CCDC91: variants seen among roughly 807,000 people sequenced by gnomAD.
CCDC91 encodes coiled-coil domain-containing protein 91.
Under a neutral mutation model 63.2 loss-of-function variants are expected in CCDC91, and 48 were observed. The ratio of observed to expected loss-of-function variants is 0.76; its 90% confidence interval spans 0.60 to 0.97. The LOEUF (loss-of-function observed/expected upper bound fraction) is 0.97, where lower values mean the gene tolerates loss of function less well. CCDC91 is among the 50% of genes least tolerant of loss of function. The pLI, the probability that CCDC91 is intolerant of heterozygous loss-of-function variation, is 0.00. For synonymous variants in CCDC91, 167 were observed against 165.8 expected (o/e 1.01, Z -0.06); for missense variants, 500 against 494.6 (o/e 1.01, Z -0.10).
intron 8 of CCDC91, among the ~76,000 whole-genome samples, chr12:28,423,324 TG>T (rs1488450564): frequency 6.6e-6 from 1 of 152,056 alleles, no homozygotes; most frequent in Non-Finnish European, 1.5e-5. Flanking sequence ...GTCAGGAAAA[TG>T]GGGAAGGACT....
chr12:28,257,066 CT>C, intron 1 of CCDC91, 135 bp from the exon 2 acceptor site: 2 of 526,030 alleles, frequency 3.8e-6, no homozygotes, highest in Non-Finnish European at 6.7e-6. Context: ...ATTGCAAATT[CT>C]TTTTTGCATA....
chr12:28,454,522 G>A (rs1949970408), intron 11 of CCDC91, among the ~76,000 whole-genome samples: 1 of 152,156 alleles, frequency 6.6e-6, no homozygotes, highest in South Asian at 2.1e-4. Context: ...CTAGGGAGAG[G>A]CTGCAGTCTG....
chr12:28,195,189 G>A (rs1183569244), intron 1 of CCDC91, among the ~76,000 whole-genome samples: 1 of 136,794 alleles, frequency 7.3e-6, no homozygotes, highest in Non-Finnish European at 1.7e-5. Flanking sequence ...TTTTGCCAGA[G>A]TGTTGATTGG....
At chr12:28,231,425 A>G (rs1433272240) in intron 1 of CCDC91, among the ~76,000 whole-genome samples, 2 of 152,212 alleles carry the variant, frequency 1.3e-5, no homozygotes, top group Non-Finnish European at 2.9e-5. Flanking sequence ...CTAAAGAAAT[A>G]TCTTTGTACA....
intron 1 of CCDC91, among the ~76,000 whole-genome samples, chr12:28,234,485 A>C (rs1053522443): frequency 6.6e-6 from 1 of 152,162 alleles, no homozygotes; most frequent in Admixed American, 6.6e-5. Flanking sequence ...GCTATCTTAC[A>C]GATTTTTAAA....
chr12:28,270,087 C>T (rs1376460193), intron 3 of CCDC91, among the ~76,000 whole-genome samples: 1 of 151,584 alleles, frequency 6.6e-6, no homozygotes, highest in Admixed American at 6.6e-5. Flanking sequence ...ATGAAAATTT[C>T]CTACATTTAC....
At chr12:28,524,923 C>T (rs1941123843) in intron 12 of CCDC91, among the ~76,000 whole-genome samples, 1 of 152,062 alleles carries the variant, frequency 6.6e-6, no homozygotes, top group Non-Finnish European at 1.5e-5. Flanking sequence ...TTTAGTATTT[C>T]TGTGATGTCA....
At chr12:28,394,291 C>T (rs1946139081) in intron 8 of CCDC91, among the ~76,000 whole-genome samples, 1 of 151,944 alleles carries the variant, frequency 6.6e-6, no homozygotes, top group South Asian at 2.1e-4. Flanking sequence ...AGGGTGAAAC[C>T]CCGTCTCTAC....
At chr12:28,198,332 G>A (rs1393195892) in intron 1 of CCDC91, among the ~76,000 whole-genome samples, 1 of 152,188 alleles carries the variant, frequency 6.6e-6, no homozygotes, top group African/African-American at 2.4e-5. Context: ...CTATGAATAT[G>A]CTTCACTGAC....
At chr12:28,264,191 T>C (rs1334368825) in intron 3 of CCDC91, among the ~76,000 whole-genome samples, 1 of 151,722 alleles carries the variant, frequency 6.6e-6, no homozygotes, top group Non-Finnish European at 1.5e-5. Context: ...TAGTTTAATA[T>C]ATTACAGGTC....
At chr12:28,434,355 A>G (rs1274059406) in intron 8 of CCDC91, among the ~76,000 whole-genome samples, 1 of 151,630 alleles carries the variant, frequency 6.6e-6, no homozygotes, top group Non-Finnish European at 1.5e-5. Context: ...ATCTGCATCT[A>G]TTGATATGAT....
chr12:28,304,696 C>G (rs750450243), intron 3 of CCDC91: 3 of 1,249,982 alleles, frequency 2.4e-6, no homozygotes, highest in Non-Finnish European at 3.1e-6. Flanking sequence ...GTTGCTGATG[C>G]CAATGTGGAA....
intron 12 of CCDC91, among the ~76,000 whole-genome samples, chr12:28,493,137 C>G (rs1248931549): frequency 6.6e-6 from 1 of 151,610 alleles, no homozygotes; most frequent in Non-Finnish European, 1.5e-5. Context: ...TCAATCCTCA[C>G]AACAACCCTA....
At chr12:28,368,005 C>T (rs1200939871) in intron 7 of CCDC91, among the ~76,000 whole-genome samples, 1 of 152,166 alleles carries the variant, frequency 6.6e-6, no homozygotes, top group East Asian at 1.9e-4. Flanking sequence ...GCCTTGTTTG[C>T]AGATTTTGAA....
intron 8 of CCDC91, among the ~76,000 whole-genome samples, chr12:28,429,318 T>G (rs1218577151): frequency 6.6e-6 from 1 of 152,170 alleles, no homozygotes; most frequent in Non-Finnish European, 1.5e-5. Flanking sequence ...TACTTTATAT[T>G]TAGGCAGACA....
chr12:28,192,805 A>G (rs758574013), intron 1 of CCDC91, among the ~76,000 whole-genome samples: 1 of 152,194 alleles, frequency 6.6e-6, no homozygotes, highest in Non-Finnish European at 1.5e-5. Flanking sequence ...GTAAAAAAGT[A>G]ATTTTTATTA....
chr12:28,511,214 T>C (rs549937819), intron 12 of CCDC91, among the ~76,000 whole-genome samples: 2 of 151,980 alleles, frequency 1.3e-5, no homozygotes, highest in East Asian at 3.9e-4. Flanking sequence ...CCATTATCTT[T>C]ACTAGGACTA....
chr12:28,365,904 G>A (rs1340207526), intron 7 of CCDC91, among the ~76,000 whole-genome samples: 5 of 152,098 alleles, frequency 3.3e-5, no homozygotes, highest in South Asian at 2.1e-4. Context: ...GGGATCTTAC[G>A]TCTTTCTAGT....
At position 28,356,357 on chromosome 12, in the gene CCDC91, C is replaced by T. The variant is rs184982615; in HGVS notation, c.577-6081C>T. Among the ~76,000 whole-genome samples the T allele has an allele frequency of 2.0e-5, 3 of 152,160 alleles. No homozygotes were observed. In the East Asian group the frequency reaches 5.8e-4, roughly 29 times the overall value. ...GTTTTTCTTCTGTATTGATGGTATG[C>T]ACATATGGTATAATCTTATCTTTTT... is the stretch of plus-strand genomic sequence containing the variant. On this transcript the variant is annotated intron_variant, in intron 6 of 12. Transcript: ENST00000536442.
Sources: allele counts gnomAD v4.1 joint callset (sites outside exome capture counted in the v4.1 genomes callset), GRCh38; gene constraint gnomAD v4.1.1; transcripts MANE v1.5; gene names NCBI Gene and HGNC (gene_info 2026-07-23, HGNC 2026-07-21).